SPAG16: variants seen among roughly 807,000 people sequenced by gnomAD.
SPAG16 encodes the protein sperm associated antigen 16.
SPAG16 carries 86 observed loss-of-function variants against 80.4 expected under a neutral mutation model. The ratio of observed to expected loss-of-function variants is 1.07; its 90% CI spans 0.90 to 1.28. The LOEUF is 1.28. Among genes scored for constraint, SPAG16 ranks in the 50% most tolerant of loss-of-function variants. The probability of loss-of-function intolerance (pLI) is 0.00; values close to 1 mark genes in which losing one functional copy is unlikely to be tolerated. For synonymous variants in SPAG16, 294 were observed against 265.9 expected (o/e 1.11, Z -1.03); for missense variants, 870 against 765.3 (o/e 1.14, Z -1.61).
intron 15 of SPAG16, among the ~76,000 whole-genome samples, chr2:214,286,219 T>A (rs912262255): frequency 6.6e-5 from 10 of 152,050 alleles, no homozygotes; most frequent in Non-Finnish European, 1.3e-4. Flanking sequence ...AAAGTTTCAG[T>A]TACGCAAGAT....
At chr2:214,131,245 T>C (rs1326529686) in intron 14 of SPAG16, among the ~76,000 whole-genome samples, 1 of 152,004 alleles carries the variant, frequency 6.6e-6, no homozygotes, top group East Asian at 1.9e-4. Flanking sequence ...GGCATGCACC[T>C]GTGGTCCTAG....
At chr2:214,170,455 C>A (rs566242258) in intron 15 of SPAG16, among the ~76,000 whole-genome samples, 2 of 152,154 alleles carry the variant, frequency 1.3e-5, no homozygotes, top group East Asian at 3.9e-4. Context: ...GTCATCATAA[C>A]CTCATTTTCT....
intron 10 of SPAG16, among the ~76,000 whole-genome samples, chr2:213,718,790 C>T (rs1215722388): frequency 6.6e-6 from 1 of 152,218 alleles, no homozygotes; most frequent in Non-Finnish European, 1.5e-5. Context: ...CCATGGGCTC[C>T]TGTGCAGCCC....
chr2:213,407,940 CAGAG>C (rs1428754064), intron 9 of SPAG16, among the ~76,000 whole-genome samples: 15 of 75,182 alleles, frequency 2.0e-4, no homozygotes, highest in Non-Finnish European at 3.4e-4. Flanking sequence ...AGGAGAGAGG[CAGAG>C]AGAGACAGGA....
chr2:214,083,888 A>C (rs933649673), intron 13 of SPAG16, among the ~76,000 whole-genome samples: 1 of 151,342 alleles, frequency 6.6e-6, no homozygotes, highest in African/African-American at 2.4e-5. Flanking sequence ...ACTAAGCTAG[A>C]CTCTTATTAT....
chr2:213,661,967 G>C (rs2063441974), intron 10 of SPAG16, among the ~76,000 whole-genome samples: 1 of 152,048 alleles, frequency 6.6e-6, no homozygotes, highest in Non-Finnish European at 1.5e-5. Context: ...TGATACTTAT[G>C]TATTATTGTG....
chr2:213,347,463 T>G (rs2125019183), intron 6 of SPAG16, among the ~76,000 whole-genome samples: 1 of 152,358 alleles, frequency 6.6e-6, no homozygotes, highest in Middle Eastern at 3.4e-3. Flanking sequence ...CTCTTGTTCT[T>G]TTAATTGTGA....
intron 9 of SPAG16, among the ~76,000 whole-genome samples, chr2:213,488,814 C>T (rs2074106765): frequency 6.7e-6 from 1 of 148,204 alleles, no homozygotes; most frequent in African/African-American, 2.4e-5. Context: ...GCGGTGCTCA[C>T]GTCTGTAATC....
rs901916574 is a variant in SPAG16, at chr2:213,609,584, T to C, written c.1070+119494T>C. ...ATTGAGTTCCATGTATCACTAAACA[T>C]CTTTCCTAGTGCTGTTTCAATCATA... is the stretch of plus-strand genomic sequence containing the variant. On this transcript the variant is annotated intron_variant, in intron 10 of 15. Transcript: ENST00000331683. Among the ~76,000 whole-genome samples the C allele has an allele frequency of 4.6e-5, 7 of 152,186 alleles. No homozygotes were observed. The South Asian group carries it at 1.4e-3, about 32-fold the overall frequency.
At chr2:214,276,456 T>G (rs1320052475) in intron 15 of SPAG16, among the ~76,000 whole-genome samples, 1 of 152,242 alleles carries the variant, frequency 6.6e-6, no homozygotes, top group Non-Finnish European at 1.5e-5. Context: ...CCATGTTTAG[T>G]GCTTCCTTCA....
chr2:213,657,308 C>T (rs2063256359), intron 10 of SPAG16, among the ~76,000 whole-genome samples: 1 of 152,018 alleles, frequency 6.6e-6, no homozygotes, highest in Admixed American at 6.6e-5. Context: ...TCTATTTCTC[C>T]CTCATTTCCC....
intron 10 of SPAG16, among the ~76,000 whole-genome samples, chr2:213,668,315 C>CT (rs35863253): frequency 1.8e-4 from 26 of 145,276 alleles, no homozygotes; most frequent in East Asian, 9.9e-4. Context: ...CATATGGGTG[C>CT]TTTTTTTTTT....
chr2:213,297,249 C>T lies in SPAG16; in HGVS notation c.184-13C>T. ...GCTCACTCTTCCTATCCTTCTCTTT[C>T]TCTGTGATCTAGATACCAGATGACA... On this transcript the variant is annotated splice_polypyrimidine_tract_variant and intron_variant, in intron 2 of 15. Transcript: ENST00000331683. 6.3e-7 allele frequency: 1 copy of T among 1,587,978 alleles called. No homozygotes were observed. The highest frequency in any genetic ancestry group is 8.6e-7 in the Non-Finnish European group (1 of 1,162,214).
chr2:213,926,704 T>G (rs182958626), intron 11 of SPAG16, among the ~76,000 whole-genome samples: 301 of 152,316 alleles, frequency 2.0e-3, no homozygotes, highest in African/African-American at 6.9e-3. Context: ...CCTTATATAC[T>G]TTACTTATAG....
intron 14 of SPAG16, among the ~76,000 whole-genome samples, chr2:214,115,281 C>T (rs2053876741): frequency 6.6e-6 from 1 of 152,266 alleles, no homozygotes; most frequent in East Asian, 1.9e-4. Flanking sequence ...CATTGAGACA[C>T]AGTTCATATT....
intron 15 of SPAG16, among the ~76,000 whole-genome samples, chr2:214,251,090 CT>C (rs1690260068): frequency 6.6e-6 from 1 of 151,406 alleles, no homozygotes; most frequent in Non-Finnish European, 1.5e-5. Flanking sequence ...TTTCCCTTAC[CT>C]GGGACATATT....
chr2:213,637,996 A>T (rs1283741206), intron 10 of SPAG16, among the ~76,000 whole-genome samples: 1 of 152,148 alleles, frequency 6.6e-6, no homozygotes, highest in Non-Finnish European at 1.5e-5. Flanking sequence ...TGACCTCGTG[A>T]TCCGCCCGTC....
intron 10 of SPAG16, among the ~76,000 whole-genome samples, chr2:213,513,237 A>G (rs116676529): frequency 0.018 from 2,691 of 152,164 alleles, 65 homozygotes; most frequent in African/African-American, 0.05. Context: ...TATGCCCTAT[A>G]TTTTCAAAGG....
chr2:214,024,567 A>G (rs1286085638), intron 13 of SPAG16, among the ~76,000 whole-genome samples: 1 of 151,642 alleles, frequency 6.6e-6, no homozygotes, highest in Non-Finnish European at 1.5e-5. Context: ...ATATTTTTGT[A>G]AAAGTTATAT....
Sources: allele counts gnomAD v4.1 joint callset (sites outside exome capture counted in the v4.1 genomes callset), GRCh38; gene constraint gnomAD v4.1.1; transcripts MANE v1.5; gene names NCBI Gene and HGNC (gene_info 2026-07-23, HGNC 2026-07-21).